Variants in TESK2 observed in about 807,000 individuals in gnomAD.
The protein encoded by TESK2 is dual specificity testis-specific protein kinase 2.
TESK2 carries 39 observed loss-of-function variants against 57.1 expected under a neutral mutation model. That is an observed-to-expected ratio of 0.68 (90% confidence interval 0.53 to 0.89). The LOEUF (loss-of-function observed/expected upper bound fraction) is 0.89. Among genes scored for constraint, TESK2 ranks in the 40% least tolerant of loss-of-function variants. The pLI is 0.00. For synonymous variants in TESK2, 249 were observed against 267.9 expected (o/e 0.93, Z 0.69); for missense variants, 646 against 732.1 (o/e 0.88, Z 1.36).
rs150698415 is a variant in TESK2, at chr1:45,451,207, A to C, written c.222+6357T>G. On this transcript the variant is annotated intron_variant, in intron 2 of 10. Coordinates refer to ENST00000372086, the MANE Select transcript of TESK2 (RefSeq NM_007170.3). ...CATAGATTCATGATTTTATAGTTAG[A>C]GTTTATATCTACTTGTGTTTTTAGA... 1.2e-4 allele frequency among the ~76,000 whole-genome samples: 19 copies of C among 152,186 alleles called. No individual in the cohort carries two copies. In the South Asian group the frequency reaches 3.1e-3, roughly 25 times the overall value.
intron 2 of TESK2, among the ~76,000 whole-genome samples, chr1:45,437,554 T>C (rs1170702027): frequency 6.6e-6 from 1 of 152,234 alleles, no homozygotes; most frequent in Non-Finnish European, 1.5e-5. Flanking sequence ...TTCTCTTACC[T>C]CACTGTTGCA....
intron 4 of TESK2, among the ~76,000 whole-genome samples, chr1:45,370,774 A>G (rs918077518): frequency 6.6e-6 from 1 of 152,176 alleles, no homozygotes; most frequent in Non-Finnish European, 1.5e-5. Context: ...CACAGTTGAG[A>G]CAGGAATAGA....
chr1:45,482,043 A>G (rs560922646), intron 1 of TESK2, among the ~76,000 whole-genome samples: 1 of 152,340 alleles, frequency 6.6e-6, no homozygotes, highest in African/African-American at 2.4e-5. Context: ...GTGTGATGCT[A>G]ATCGTCTCCA....
chr1:45,392,838 G>A (rs981107433), intron 3 of TESK2, among the ~76,000 whole-genome samples: 3 of 152,108 alleles, frequency 2.0e-5, no homozygotes, highest in South Asian at 2.1e-4. Context: ...CCACTATGCC[G>A]GGCCAAGGCT....
At chr1:45,485,190 G>T (rs896727906) in intron 1 of TESK2, among the ~76,000 whole-genome samples, 15 of 141,410 alleles carry the variant, frequency 1.1e-4, no homozygotes, top group Non-Finnish European at 2.3e-4. Context: ...TTTGTTTTTT[G>T]TTTTTTGTTT....
chr1:45,372,118 C>A (rs559294881), intron 4 of TESK2, among the ~76,000 whole-genome samples: 1 of 151,988 alleles, frequency 6.6e-6, no homozygotes, highest in Admixed American at 6.6e-5. Flanking sequence ...TGTGGTGGCA[C>A]ACGCCTGTAG....
Position 45,457,824 on chromosome 1 carries a change from C to T in TESK2, c.-39G>A. ...ACTTTTTTCTTCTTTTAAGAAGGAA[C>T]TCCACACATAAATTTTTGTTGAATT... is the stretch of plus-strand genomic sequence containing the variant. On this transcript the variant is annotated 5_prime_UTR_variant, in exon 2 of 11. Coordinates refer to ENST00000372086, the MANE Select transcript of TESK2 (RefSeq NM_007170.3). The T allele has an allele frequency of 6.4e-7, 1 of 1,560,754 alleles. No homozygotes were observed. Among genetic ancestry groups the T allele is most frequent in the Non-Finnish European group, 8.8e-7 (1 of 1,136,872 alleles).
intron 1 of TESK2, among the ~76,000 whole-genome samples, chr1:45,478,192 A>T (rs1057191037): frequency 1.3e-5 from 2 of 152,176 alleles, no homozygotes; most frequent in Non-Finnish European, 2.9e-5. Flanking sequence ...ATATCTATGC[A>T]TGTAATATTC....
At chr1:45,373,819 G>A (rs1342668156) in intron 4 of TESK2, among the ~76,000 whole-genome samples, 3 of 152,204 alleles carry the variant, frequency 2.0e-5, no homozygotes, top group African/African-American at 7.2e-5. Context: ...ATGCCCCTGA[G>A]TAGTAGCAAT....
rs1647689684 is a variant in TESK2, at chr1:45,361,619, G to T, written c.394-6170C>A. ...AAATATATACAGCCTTTTCCTAGAA[G>T]GCACTCAATAACTTTCTAAAGTGTA... is the stretch of plus-strand genomic sequence containing the variant. On this transcript the variant is annotated intron_variant, in intron 4 of 10. Coordinates refer to ENST00000372086, the MANE Select transcript of TESK2 (RefSeq NM_007170.3). Among the ~76,000 whole-genome samples the T allele has an allele frequency of 3.9e-5, 6 of 152,134 alleles. No individual in the cohort carries two copies. The South Asian group carries it at 1.2e-3, about 32-fold the overall frequency.
chr1:45,461,312 C>T (rs1338197486), intron 1 of TESK2, among the ~76,000 whole-genome samples: 1 of 152,066 alleles, frequency 6.6e-6, no homozygotes, highest in African/African-American at 2.4e-5. Context: ...CAGATCACAC[C>T]ACTACACTCC....
chr1:45,476,721 C>T (rs1653009722), intron 1 of TESK2, among the ~76,000 whole-genome samples: 1 of 151,996 alleles, frequency 6.6e-6, no homozygotes, highest in African/African-American at 2.4e-5. Flanking sequence ...GTGGCACACG[C>T]CTGTAGTCCC....
At chr1:45,379,361 A>G (rs1648559922) in intron 4 of TESK2, among the ~76,000 whole-genome samples, 1 of 152,170 alleles carries the variant, frequency 6.6e-6, no homozygotes, top group Admixed American at 6.5e-5. Flanking sequence ...ATAAGGTCTC[A>G]CTATGCTGCC....
Position 45,345,986 on chromosome 1 carries a change from G to C in TESK2, c.888C>G (p.Pro296=). The change falls in exon 10 of 11, where the codon CCC becomes CCG. Residue 296 remains proline, a synonymous_variant. Transcript: ENST00000372086. ...QLTFNCCNMD[P]KLRPSFVEIG... is the part of the protein sequence containing the mutation. ...TCTCCACAAAAGATGGGCGCAGTTT[G>C]GGATCCATCTGTAGGTATCCACAAC... is the stretch of plus-strand genomic sequence containing the variant. 1 of 1,613,730 alleles carries C rather than the reference G, an allele frequency of 6.2e-7. No homozygotes were observed. Among genetic ancestry groups the C allele is most frequent in the Non-Finnish European group, 8.5e-7 (1 of 1,179,650 alleles).
At chr1:45,378,818 C>T (rs566866980) in intron 4 of TESK2, among the ~76,000 whole-genome samples, 37 of 152,216 alleles carry the variant, frequency 2.4e-4, no homozygotes, top group Non-Finnish European at 4.7e-4. Flanking sequence ...AAGTGAATCT[C>T]TACCTTCCCG....
chr1:45,474,630 G>A (rs940795886), intron 1 of TESK2, among the ~76,000 whole-genome samples: 20 of 151,756 alleles, frequency 1.3e-4, no homozygotes, highest in Admixed American at 9.2e-4. Context: ...GTACCACCAC[G>A]CTGGGCTAAT....
At chr1:45,423,228 C>T (rs1196836872) in intron 2 of TESK2, among the ~76,000 whole-genome samples, 1 of 152,056 alleles carries the variant, frequency 6.6e-6, no homozygotes, top group Non-Finnish European at 1.5e-5. Flanking sequence ...TTATAAGATG[C>T]TAAACCCACA....
intron 2 of TESK2, among the ~76,000 whole-genome samples, chr1:45,447,638 T>C (rs1651693373): frequency 6.6e-6 from 1 of 152,154 alleles, no homozygotes; most frequent in Admixed American, 6.6e-5. Context: ...TAATGTAGTA[T>C]ATATATAAAC....
chr1:45,471,531 G>A (rs571259655), intron 1 of TESK2, among the ~76,000 whole-genome samples: 3 of 151,406 alleles, frequency 2.0e-5, no homozygotes, highest in Admixed American at 6.6e-5. Flanking sequence ...TCCACCTCCC[G>A]AGTGGCTGGG....
Sources: gnomAD v4.1 joint callset for allele counts (sites outside exome capture counted in the v4.1 genomes callset) on GRCh38, gnomAD v4.1.1 for gene constraint, MANE v1.5 for transcripts, NCBI Gene and HGNC (gene_info 2026-07-23, HGNC 2026-07-21) for gene names.